AMBRA1: variants seen among roughly 807,000 people sequenced by gnomAD.
AMBRA1 encodes the protein autophagy and beclin 1 regulator 1, also known as activating molecule in BECN1-regulated autophagy protein 1.
AMBRA1 carries 47 observed loss-of-function variants against 125.4 expected under a neutral mutation model. That is an observed-to-expected ratio of 0.37 (90% CI 0.30 to 0.48). The LOEUF is 0.48. Ranked by LOEUF, AMBRA1 falls within the 20% of genes least tolerant of loss-of-function variation. The pLI is 0.99. For missense variants in AMBRA1, 1,331 were observed against 1,693.4 expected (o/e 0.79, Z 3.76); for synonymous variants, 626 against 655.5 (o/e 0.95, Z 0.69).
Position 46,548,418 on chromosome 11 carries a change from TGAA to T in AMBRA1, c.-41_-39del. 1 of 1,610,846 alleles carries T rather than the reference TGAA, an allele frequency of 6.2e-7. No homozygotes were observed. The highest frequency in any genetic ancestry group is 1.1e-5 in the South Asian group (1 of 91,050). On this transcript the variant is annotated 5_prime_UTR_variant, in exon 2 of 18. Transcript: ENST00000683756. ...CCACTGTCACACCAGGCCCAGGAAATGAAGGAGCAAGTAACAGCTCCAACACAC... is the reference window on the plus strand; with the variant it reads ...CCACTGTCACACCAGGCCCAGGAAATGGAGCAAGTAACAGCTCCAACACAC...
chr11:46,444,861 C>T (rs769131945), intron 11 of AMBRA1, among the ~76,000 whole-genome samples: 2 of 152,094 alleles, frequency 1.3e-5, no homozygotes, highest in African/African-American at 2.4e-5. Context: ...TGCACTCTTC[C>T]GGTTGCTGCT....
intron 11 of AMBRA1, among the ~76,000 whole-genome samples, chr11:46,465,612 G>A (rs1410399293): frequency 6.6e-6 from 1 of 152,140 alleles, no homozygotes; most frequent in African/African-American, 2.4e-5. Flanking sequence ...GCAAAGCCAG[G>A]TGGTTAGAGA....
At chr11:46,425,271 T>A (rs1947066588) in intron 14 of AMBRA1, among the ~76,000 whole-genome samples, 1 of 151,774 alleles carries the variant, frequency 6.6e-6, no homozygotes, top group African/African-American at 2.4e-5. Context: ...AGATTCACCT[T>A]GGATAAGACA....
intron 7 of AMBRA1, among the ~76,000 whole-genome samples, chr11:46,523,437 C>A (rs548557164): frequency 2.6e-5 from 4 of 152,300 alleles, no homozygotes; most frequent in South Asian, 2.1e-4. Context: ...CTCTCCTCCC[C>A]CGTTCCCAAA....
At chr11:46,481,342 A>G (rs1950058816) in intron 11 of AMBRA1, among the ~76,000 whole-genome samples, 1 of 152,160 alleles carries the variant, frequency 6.6e-6, no homozygotes, top group African/African-American at 2.4e-5. Context: ...ATATAAGAGC[A>G]TAGTAGCCCC....
intron 11 of AMBRA1, among the ~76,000 whole-genome samples, chr11:46,462,926 G>A (rs1590870370): frequency 6.6e-6 from 1 of 151,918 alleles, no homozygotes; most frequent in East Asian, 1.9e-4. Flanking sequence ...GCTAATTTTT[G>A]TATTTTTAGT....
At chr11:46,547,368 A>C in intron 3 of AMBRA1, 72 bp from the exon 4 acceptor site, 1 of 1,383,006 alleles carries the variant, frequency 7.2e-7, no homozygotes, top group East Asian at 2.3e-5. Flanking sequence ...ACTTTGGACG[A>C]CATAGAATAT....
intron 14 of AMBRA1, 141 bp from the exon 15 acceptor site, chr11:46,418,193 T>C: frequency 2.9e-6 from 1 of 345,056 alleles, no homozygotes. Flanking sequence ...TTTTTTTTTC[T>C]TTTTTTTCTA....
rs188453443 is a variant in AMBRA1 at position 46,514,843 on chromosome 11, A to C, written c.2073-2030T>G. ...ACGGCATGTCTTTGAGTCTTTTAAA[A>C]TACAGAATGTGTGGGACAGGTAAGG... On this transcript the variant is annotated intron_variant, in intron 7 of 17. Transcript: ENST00000683756. 2.0e-5 allele frequency among the ~76,000 whole-genome samples: 3 copies of C among 152,366 alleles called. No individual in the cohort carries two copies. The East Asian group carries it at 5.8e-4, about 29-fold the overall frequency.
At chr11:46,463,566 C>T (rs180894177) in intron 11 of AMBRA1, among the ~76,000 whole-genome samples, 24 of 152,268 alleles carry the variant, frequency 1.6e-4, no homozygotes, top group Non-Finnish European at 2.9e-4. Flanking sequence ...CTAAAGAGTA[C>T]CTTGCACAAA....
At chr11:46,472,040 T>A (rs1046003321) in intron 11 of AMBRA1, among the ~76,000 whole-genome samples, 10 of 152,318 alleles carry the variant, frequency 6.6e-5, no homozygotes, top group African/African-American at 2.4e-4. Flanking sequence ...TTGGAAAAGC[T>A]GAGAAGAGAT....
intron 11 of AMBRA1, among the ~76,000 whole-genome samples, chr11:46,487,131 G>A (rs1037177574): frequency 6.6e-6 from 1 of 151,760 alleles, no homozygotes; most frequent in African/African-American, 2.4e-5. Flanking sequence ...GGTGTTGTGT[G>A]CCTACAGTTC....
At chr11:46,500,220 G>A (rs1419257427) in intron 9 of AMBRA1, among the ~76,000 whole-genome samples, 1 of 152,196 alleles carries the variant, frequency 6.6e-6, no homozygotes, top group Non-Finnish European at 1.5e-5. Flanking sequence ...CTAAGAAGCA[G>A]TGATTGCTAA....
At position 46,402,138 on chromosome 11, in the gene AMBRA1, C is replaced by T. The variant is rs1260082501; in HGVS notation, c.3404-4195G>A. The stretch of plus-strand genomic sequence containing the variant: ...GGACCTCACAGTGCTTCACAACTCC[C>T]CGTAGCTGTGGCATCTCTCTTCTGG... On this transcript the variant is annotated intron_variant, in intron 17 of 17. Transcript: ENST00000683756. Among the ~76,000 whole-genome samples, 5 of 152,218 alleles carry T rather than the reference C, an allele frequency of 3.3e-5. 2 individuals carry two copies. The highest frequency in any genetic ancestry group is 4.1e-4 in the South Asian group (2 of 4,828).
chr11:46,543,953 T>C, intron 6 of AMBRA1, 22 bp downstream of exon 6: 1 of 1,599,784 alleles, frequency 6.3e-7, no homozygotes, highest in Non-Finnish European at 8.6e-7. Context: ...TAGCTGGAAT[T>C]GGAACTGCTG....
intron 11 of AMBRA1, among the ~76,000 whole-genome samples, chr11:46,455,135 C>A (rs1365435443): frequency 6.6e-6 from 1 of 152,136 alleles, no homozygotes; most frequent in East Asian, 1.9e-4. Flanking sequence ...GATTCTCCTG[C>A]CTTGGCCTCC....
chr11:46,568,953 T>C (rs554931743), intron 1 of AMBRA1, among the ~76,000 whole-genome samples: 1 of 151,756 alleles, frequency 6.6e-6, no homozygotes, highest in African/African-American at 2.4e-5. Flanking sequence ...ACTACAGGCA[T>C]GTGCGACCAA....
At chr11:46,577,903 T>C (rs1463548257) in intron 1 of AMBRA1, among the ~76,000 whole-genome samples, 1 of 152,072 alleles carries the variant, frequency 6.6e-6, no homozygotes, top group Non-Finnish European at 1.5e-5. Flanking sequence ...TGAGCCGATA[T>C]AGCACCACTG....
chr11:46,408,731 G>C, intron 16 of AMBRA1, 25 bp from the exon 17 acceptor site: 1 of 1,503,308 alleles, frequency 6.7e-7, no homozygotes, highest in Non-Finnish European at 8.9e-7. Context: ...GCAGACTAAA[G>C]TCAGATGGGG....
Sources: allele counts gnomAD v4.1 joint callset (sites outside exome capture counted in the v4.1 genomes callset), GRCh38; gene constraint gnomAD v4.1.1; transcripts MANE v1.5; gene names NCBI Gene and HGNC (gene_info 2026-07-23, HGNC 2026-07-21).